Variants in IFNLR1 observed in about 807,000 individuals in gnomAD.
The protein encoded by IFNLR1 is CRF2-12.
IFNLR1 carries 28 observed loss-of-function variants against 52.5 expected under a neutral mutation model. The ratio of observed to expected loss-of-function variants is 0.53; its 90% CI spans 0.40 to 0.73. IFNLR1 has a LOEUF of 0.73. Among genes scored for constraint, IFNLR1 ranks in the 30% least tolerant of loss-of-function variants. The pLI is 0.00. For missense variants in IFNLR1, 623 were observed against 659.1 expected (o/e 0.95, Z 0.60); for synonymous variants, 276 against 274.9 (o/e 1.00, Z -0.04).
At chr1:24,159,722 G>T in intron 4 of IFNLR1, 89 bp from the exon 5 acceptor site, 1 of 830,664 alleles carries the variant, frequency 1.2e-6, no homozygotes, top group Non-Finnish European at 1.7e-6. Flanking sequence ...AGACATGGTA[G>T]GGTGTTTTTT....
rs1311847277 is a variant in IFNLR1 at position 24,154,526 on chromosome 1, A to T, written c.*2604T>A. 2 of 152,240 alleles carry T rather than the reference A, an allele frequency of 1.3e-5. No homozygotes were observed. The highest frequency in any genetic ancestry group is 6.5e-5 in the Admixed American group (1 of 15,282). The allele number at this position is 152,240 out of a possible 1,614,324, so 9.4% of individuals were successfully genotyped here. ...CTGGCTTTTTGTGAATGACTTAATG[A>T]CGATAAAGGAGATGGAGTTTAGAGT... On this transcript the variant is annotated 3_prime_UTR_variant, in exon 7 of 7. Coordinates refer to ENST00000327535, the MANE Select transcript of IFNLR1 (RefSeq NM_170743.4).
chr1:24,157,327 G>A lies in IFNLR1; in HGVS notation c.1366C>T (p.Pro456Ser). 6.2e-7 allele frequency: 1 copy of A among 1,614,214 alleles called. No homozygotes were observed. The highest frequency in any genetic ancestry group is 1.1e-5 in the South Asian group (1 of 91,086). Residue 456 changes from proline (P) to serine (S), a missense_variant, in exon 7 of 7, where the codon CCG becomes TCG. Physicochemically the swap from Pro to Ser is moderately conservative, Grantham distance 74. Transcript: ENST00000327535. This position sits in a 1 kb window ranked among gnomAD's most constrained non-coding sequence, Gnocchi z 5.1. ...SSWATWGTLP[P>S]EPNLVPGGPP... is the part of the protein sequence containing the mutation. ...CCCCCAGGGACCAGATTCGGCTCCG[G>A]TGGTAAGGTGCCCCAGGTGGCCCAG...
At chr1:24,167,506 T>C (rs1644531681) in intron 3 of IFNLR1, among the ~76,000 whole-genome samples, 1 of 151,876 alleles carries the variant, frequency 6.6e-6, no homozygotes, top group Admixed American at 6.6e-5. Flanking sequence ...TGCCTCAGCC[T>C]CCTGAGTAGC....
chr1:24,167,091 A>C (rs891125310), intron 3 of IFNLR1, among the ~76,000 whole-genome samples: 2 of 152,236 alleles, frequency 1.3e-5, no homozygotes, highest in Admixed American at 1.3e-4. Flanking sequence ...GAGGAATGGC[A>C]CATTCACATT....
At chr1:24,185,227 C>T (rs1305481792) in intron 1 of IFNLR1, among the ~76,000 whole-genome samples, 1 of 152,106 alleles carries the variant, frequency 6.6e-6, no homozygotes, top group Non-Finnish European at 1.5e-5. Flanking sequence ...GAATCAGATT[C>T]AGTCCAGGCC....
At position 24,155,115 on chromosome 1, in the gene IFNLR1, A is replaced by C. The variant is rs1415773346; in HGVS notation, c.*2015T>G. The C allele has an allele frequency of 6.6e-6, 1 of 152,090 alleles. No homozygotes were observed. Among genetic ancestry groups the C allele is most frequent in the Non-Finnish European group, 1.5e-5 (1 of 68,088 alleles). 9.4% of individuals were successfully genotyped at this position (152,090 alleles called of 1,614,324 possible). A position where few individuals can be genotyped will look rare whatever the true frequency, so the allele number is the denominator to read the frequency against. On this transcript the variant is annotated 3_prime_UTR_variant, in exon 7 of 7. Coordinates refer to ENST00000327535, the MANE Select transcript of IFNLR1 (RefSeq NM_170743.4). ...AAGCCACAGCCCTCCCCAGCTCCGT[A>C]GTTTGTTTGTTCTTCCTCTCCTGGG...
chr1:24,179,244 TG>T (rs376729276), intron 2 of IFNLR1, among the ~76,000 whole-genome samples: 255 of 152,136 alleles, frequency 1.7e-3, no homozygotes, highest in African/African-American at 5.5e-3. Flanking sequence ...TAAGCCACCA[TG>T]CTTGGTCCTA....
chr1:24,170,398 T>C (rs905691323), intron 2 of IFNLR1, among the ~76,000 whole-genome samples: 1 of 152,230 alleles, frequency 6.6e-6, no homozygotes, highest in Non-Finnish European at 1.5e-5. Context: ...TCTTGTTCTG[T>C]TGCCCAGGCT....
rs1644390323 is a variant in IFNLR1, at chr1:24,157,295, T to C, written c.1398A>G (p.Pro466=). The C allele has an allele frequency of 6.2e-7, 1 of 1,614,134 alleles. No homozygotes were observed. The highest frequency in any genetic ancestry group is 2.2e-5 in the East Asian group (1 of 44,868). ...PEPNLVPGGP[P]VSLQTLTFCW... Reference sequence around the variant, plus strand: ...AGAAGGTCAGTGTCTGAAGAGAAACTGGGGGTCCCCCAGGGACCAGATTCG... The same window carrying C: ...AGAAGGTCAGTGTCTGAAGAGAAACCGGGGGTCCCCCAGGGACCAGATTCG... Residue 466 remains proline, a synonymous_variant, in exon 7 of 7, where the codon CCA becomes CCG. Transcript: ENST00000327535. The surrounding 1 kb of genome is among the most constrained non-coding windows in gnomAD (Gnocchi z 5.1).
rs1455276368 is a variant in IFNLR1 at position 24,159,642 on chromosome 1, A to G, written c.511-9T>C. 1.2e-6 allele frequency: 2 copies of G among 1,613,464 alleles called. No homozygotes were observed. Among genetic ancestry groups the G allele is most frequent in the Admixed American group, 3.3e-5 (2 of 59,954 alleles). On this transcript the variant is annotated splice_polypyrimidine_tract_variant and intron_variant, in intron 4 of 6. Coordinates refer to ENST00000327535, the MANE Select transcript of IFNLR1 (RefSeq NM_170743.4). ...GTGACTGGAAATAGGGTCTGTTTGG[A>G]AAAGAAGCAGAGAGTGGCAGAGCTG... is the stretch of plus-strand genomic sequence containing the variant.
intron 2 of IFNLR1, among the ~76,000 whole-genome samples, chr1:24,173,976 TC>T (rs961944693): frequency 1.4e-4 from 21 of 152,220 alleles, no homozygotes; most frequent in African/African-American, 4.8e-4. Flanking sequence ...CGAATTGAGT[TC>T]CCCCAAAATT....
intron 2 of IFNLR1, among the ~76,000 whole-genome samples, chr1:24,178,891 A>C (rs975446529): frequency 1.5e-5 from 2 of 132,498 alleles, no homozygotes; most frequent in African/African-American, 4.0e-5. Flanking sequence ...TATAATTAGA[A>C]TATCACCATT....
chr1:24,167,040 C>T (rs1644527538), intron 3 of IFNLR1, among the ~76,000 whole-genome samples: 1 of 152,228 alleles, frequency 6.6e-6, no homozygotes, highest in Non-Finnish European at 1.5e-5. Context: ...GGGCAGGCAT[C>T]ATCCAATCCA....
chr1:24,159,740 T>TTTTTTTTTTTGTA, intron 4 of IFNLR1, 107 bp from the exon 5 acceptor site: 1 of 1,015,418 alleles, frequency 9.8e-7, no homozygotes, highest in Non-Finnish European at 1.4e-6. Context: ...TTTTTTTGTT[T>TTTTTTTTTTTGTA]TTTTTTTTTG....
At chr1:24,171,197 T>C (rs1164877428) in intron 2 of IFNLR1, among the ~76,000 whole-genome samples, 1 of 152,314 alleles carries the variant, frequency 6.6e-6, no homozygotes, top group East Asian at 1.9e-4. Flanking sequence ...CAGCCACACT[T>C]ACAACAAGAA....
At chr1:24,163,845 C>T (rs929507465) in intron 3 of IFNLR1, among the ~76,000 whole-genome samples, 1 of 152,142 alleles carries the variant, frequency 6.6e-6, no homozygotes, top group African/African-American at 2.4e-5. Flanking sequence ...TCCCAAAGTG[C>T]TGGGATTACA....
chr1:24,155,644 A>G lies in IFNLR1; in HGVS notation c.*1486T>C, dbSNP rs1644371469. ...TGAGAATCCCTGGATGAGATGCCCT[A>G]AGAAGCTTTTCCAGTTCTGCCATTT... On this transcript the variant is annotated 3_prime_UTR_variant, in exon 7 of 7. Transcript: ENST00000327535. The G allele has an allele frequency of 6.6e-6, 1 of 152,240 alleles. No individual in the cohort carries two copies. Among genetic ancestry groups the G allele is most frequent in the South Asian group, 2.1e-4 (1 of 4,834 alleles). The allele number at this position is 152,240 out of a possible 1,614,324, so 9.4% of individuals were successfully genotyped here.
intron 2 of IFNLR1, among the ~76,000 whole-genome samples, chr1:24,175,707 C>T (rs144839319): frequency 6.6e-6 from 1 of 151,932 alleles, no homozygotes; most frequent in Non-Finnish European, 1.5e-5. Context: ...CCAAGGCAGG[C>T]GGATCACCTG....
At chr1:24,176,774 T>A in intron 2 of IFNLR1, among the ~76,000 whole-genome samples, 1 of 152,196 alleles carries the variant, frequency 6.6e-6, no homozygotes, top group East Asian at 1.9e-4. Flanking sequence ...AAGACAAGTA[T>A]TCTCTCCTTT....
Sources: gnomAD v4.1 joint callset for allele counts (sites outside exome capture counted in the v4.1 genomes callset) on GRCh38, gnomAD v4.1.1 for gene constraint, Gnocchi (gnomAD v3.1) non-coding constraint, MANE v1.5 for transcripts, NCBI Gene and HGNC (gene_info 2026-07-23, HGNC 2026-07-21) for gene names.